Variants in SULF2 observed in about 807,000 individuals in gnomAD.
SULF2 encodes the protein sulfatase 2.
A neutral mutation model predicts 107.7 loss-of-function variants in SULF2; 52 were observed. The observed-to-expected ratio is 0.48, with a 90% CI of 0.39 to 0.61. The LOEUF is 0.61. Among genes scored for constraint, SULF2 ranks in the 20% least tolerant of loss-of-function variants. The pLI is 0.00. For synonymous variants in SULF2, 460 were observed against 464.3 expected, an observed-to-expected ratio of 0.99 and a Z score of 0.12; for missense variants, 993 against 1,177.3, an observed-to-expected ratio of 0.84 and a Z score of 2.29.
intron 11 of SULF2, among the ~76,000 whole-genome samples, chr20:47,669,196 C>T (rs1481587277): frequency 3.3e-5 from 5 of 152,286 alleles, no homozygotes; most frequent in Admixed American, 2.6e-4. Flanking sequence ...AATGAATGAA[C>T]CCCAGTCAGC....
chr20:47,750,063 C>A (rs1323979135), intron 2 of SULF2, among the ~76,000 whole-genome samples: 1 of 152,204 alleles, frequency 6.6e-6, no homozygotes, highest in Non-Finnish European at 1.5e-5. Context: ...CTCACTGCAA[C>A]CTCCGCCTCC....
rs891440439 is a variant in SULF2 at position 47,715,730 on chromosome 20, C to T, written c.416-13060G>A. On this transcript the variant is annotated intron_variant, in intron 3 of 20. Transcript: ENST00000688720. Reference sequence around the variant, plus strand: ...CCGACTGGCTGGGATTACAGGTGTTCGCCACCATGCCTGGCTAATTTTTGT... The same window carrying T: ...CCGACTGGCTGGGATTACAGGTGTTTGCCACCATGCCTGGCTAATTTTTGT... Among the ~76,000 whole-genome samples the T allele has an allele frequency of 4.6e-5, 7 of 151,910 alleles. No individual in the cohort carries two copies. In the East Asian group the frequency reaches 5.8e-4, roughly 13 times the overall value.
At chr20:47,712,147 G>A (rs1482485263) in intron 3 of SULF2, among the ~76,000 whole-genome samples, 1 of 152,180 alleles carries the variant, frequency 6.6e-6, no homozygotes, top group Non-Finnish European at 1.5e-5. Context: ...CTTCCAACTG[G>A]ACTTCTGCCT....
intron 2 of SULF2, among the ~76,000 whole-genome samples, chr20:47,751,153 C>T (rs909090773): frequency 6.6e-6 from 1 of 152,242 alleles, no homozygotes; most frequent in Non-Finnish European, 1.5e-5. Flanking sequence ...GCTCAGGAAA[C>T]ACCTGCCGAA....
In SULF2 at chr20:47,727,825, G is replaced by A. The variant is rs566777805; in HGVS notation, c.415+8878C>T. 2.0e-5 allele frequency among the ~76,000 whole-genome samples: 3 copies of A among 152,360 alleles called. No individual in the cohort carries two copies. In the East Asian group the frequency reaches 5.8e-4, roughly 29 times the overall value. ...GCTCAAGGTCACAAGGGCGCTTAAG[G>A]CGGAGTCTAATTCTTTAGACTCTTG... On this transcript the variant is annotated intron_variant, in intron 3 of 20. Coordinates refer to ENST00000688720, the MANE Select transcript of SULF2 (RefSeq NM_001387048.1).
chr20:47,728,047 G>A (rs1376130917), intron 3 of SULF2, among the ~76,000 whole-genome samples: 3 of 152,212 alleles, frequency 2.0e-5, no homozygotes, highest in Non-Finnish European at 4.4e-5. Context: ...CCACAGTGGG[G>A]AAGGCTGGGT....
chr20:47,781,296 G>A (rs965300495), intron 1 of SULF2, among the ~76,000 whole-genome samples: 22 of 152,224 alleles, frequency 1.4e-4, no homozygotes, highest in African/African-American at 5.1e-4. Flanking sequence ...GCCCATCATC[G>A]CAGGCACTGG....
intron 1 of SULF2, among the ~76,000 whole-genome samples, chr20:47,759,326 C>A (rs2146917574): frequency 6.6e-6 from 1 of 152,362 alleles, no homozygotes; most frequent in East Asian, 1.9e-4. Flanking sequence ...TCCAGCCCTA[C>A]TGGCTTCTTT....
intron 2 of SULF2, among the ~76,000 whole-genome samples, chr20:47,741,831 G>A (rs1055679014): frequency 1.3e-5 from 2 of 152,244 alleles, no homozygotes; most frequent in South Asian, 2.1e-4. Flanking sequence ...AGGGCAGGCC[G>A]TCACCTGATG....
chr20:47,703,474 C>T (rs949920377), intron 3 of SULF2, among the ~76,000 whole-genome samples: 1 of 152,182 alleles, frequency 6.6e-6, no homozygotes, highest in Non-Finnish European at 1.5e-5. Flanking sequence ...GTCTGCTATA[C>T]AGCAACCAGA....
At chr20:47,765,435 A>AAGAAGGGGCCAGAGGC (rs559760745) in intron 1 of SULF2, among the ~76,000 whole-genome samples, 1,623 of 150,984 alleles carry the variant, frequency 0.011, 38 homozygotes, top group African/African-American at 0.038. Flanking sequence ...GTGGGAGAGG[A>AAGAAGGGGCCAGAGGC]AGAAGGGGCC....
In SULF2 at chr20:47,690,211, TGAG is replaced by T; in HGVS notation, c.649_651del (p.Leu217del). ...TGGGGGGCTGCATGGCTGATGACCA[TGAG>T]GACTGGCCTGTGCGGGTACATCTTC... On this transcript the variant is annotated inframe_deletion, in exon 5 of 21. Coordinates refer to ENST00000688720, the MANE Select transcript of SULF2 (RefSeq NM_001387048.1). The T allele has an allele frequency of 6.3e-7, 1 of 1,575,382 alleles. No individual in the cohort carries two copies. The highest frequency in any genetic ancestry group is 8.6e-7 in the Non-Finnish European group (1 of 1,157,720).
Position 47,694,521 on chromosome 20 carries a change from C to A in SULF2, c.568-4226G>T, listed in dbSNP as rs913572602. 5.3e-5 allele frequency among the ~76,000 whole-genome samples: 8 copies of A among 152,148 alleles called. No homozygotes were observed. The highest frequency in any genetic ancestry group is 1.9e-4 in the African/African-American group (8 of 41,424). ...CCCAGGTGCATTTTCCAGAACCCGG[C>A]GCCCAGGAGTCAGGCTCTACCCAGG... On this transcript the variant is annotated intron_variant, in intron 4 of 20. Coordinates refer to ENST00000688720, the MANE Select transcript of SULF2 (RefSeq NM_001387048.1). This position sits in a 1 kb window ranked among gnomAD's most constrained non-coding sequence, Gnocchi z 4.4.
At chr20:47,773,840 T>G (rs2090675963) in intron 1 of SULF2, among the ~76,000 whole-genome samples, 1 of 152,238 alleles carries the variant, frequency 6.6e-6, no homozygotes, top group Non-Finnish European at 1.5e-5. Flanking sequence ...CCCCACATTT[T>G]CTTAGCCCTG....
chr20:47,692,221 G>A (rs1173863413), intron 4 of SULF2, among the ~76,000 whole-genome samples: 2 of 152,140 alleles, frequency 1.3e-5, no homozygotes, highest in African/African-American at 4.8e-5. Flanking sequence ...GGTGTCTACA[G>A]CTTCCACCCT....
chr20:47,763,878 A>G (rs6094817), intron 1 of SULF2, among the ~76,000 whole-genome samples: 6,479 of 152,204 alleles, frequency 0.043, 470 homozygotes, highest in African/African-American at 0.15. Context: ...CCTCCACTGA[A>G]CGGCCTTCAA....
At chr20:47,705,258 G>A (rs1386480947) in intron 3 of SULF2, among the ~76,000 whole-genome samples, 1 of 152,192 alleles carries the variant, frequency 6.6e-6, no homozygotes, top group African/African-American at 2.4e-5. Flanking sequence ...CAGGGGTAAG[G>A]TCCGGGATGG....
At chr20:47,768,969 C>G (rs1568925700) in intron 1 of SULF2, among the ~76,000 whole-genome samples, 2 of 151,504 alleles carry the variant, frequency 1.3e-5, no homozygotes, top group Admixed American at 1.3e-4. Context: ...CAACCTCCAC[C>G]TCCCAGGTTC....
intron 2 of SULF2, among the ~76,000 whole-genome samples, chr20:47,749,072 G>A (rs1014472841): frequency 6.6e-6 from 1 of 150,492 alleles, no homozygotes; most frequent in Non-Finnish European, 1.5e-5. Flanking sequence ...TGCCTAGAGT[G>A]TGGCTATGAG....
Sources: gnomAD v4.1 joint callset for allele counts (sites outside exome capture counted in the v4.1 genomes callset) on GRCh38, gnomAD v4.1.1 for gene constraint, Gnocchi (gnomAD v3.1) non-coding constraint, MANE v1.5 for transcripts, NCBI Gene and HGNC (gene_info 2026-07-23, HGNC 2026-07-21) for gene names.